Variants in SOX13 observed in about 807,000 individuals in gnomAD.
The protein encoded by SOX13 is transcription factor SOX-13.
A neutral mutation model predicts 71.8 loss-of-function variants in SOX13; 28 were observed. That is an observed-to-expected ratio of 0.39 (90% CI 0.29 to 0.53). The LOEUF (loss-of-function observed/expected upper bound fraction) is 0.53, where lower values mean the gene tolerates loss of function less well. Among genes scored for constraint, SOX13 ranks in the 20% least tolerant of loss-of-function variants. The pLI, the probability that SOX13 is intolerant of heterozygous loss-of-function variation, is 0.70. For missense variants in SOX13, 627 were observed against 810.3 expected (o/e 0.77, Z 2.75); for synonymous variants, 309 against 317.8 (o/e 0.97, Z 0.29).
At chr1:204,076,881 G>T (rs547388588) in intron 1 of SOX13, among the ~76,000 whole-genome samples, 1 of 152,350 alleles carries the variant, frequency 6.6e-6, no homozygotes, top group Admixed American at 6.5e-5. Flanking sequence ...GATAACAGGG[G>T]AGAACAAGAC....
chr1:204,084,680 T>C (rs1655980953), intron 1 of SOX13, among the ~76,000 whole-genome samples: 1 of 152,116 alleles, frequency 6.6e-6, no homozygotes, highest in Non-Finnish European at 1.5e-5. Flanking sequence ...TCCTCCTCCC[T>C]GGCCTCAGGG....
In SOX13 at chr1:204,081,224, C is replaced by CT. The variant is rs572186117; in HGVS notation, c.-2+7521dup. On this transcript the variant is annotated intron_variant, in intron 1 of 13. Coordinates refer to ENST00000367204, the MANE Select transcript of SOX13 (RefSeq NM_005686.3). The surrounding 1 kb of genome is among the most constrained non-coding windows in gnomAD (Gnocchi z 4.3). ...CACCACTCCCAGCCATGACTTCTTT[C>CT]TTTTTTTTAAAGATCGTGGCTCATA... Among the ~76,000 whole-genome samples, 2 of 151,918 alleles carry CT rather than the reference C, an allele frequency of 1.3e-5. No homozygotes were observed. The highest frequency in any genetic ancestry group is 6.6e-5 in the Admixed American group (1 of 15,226).
In SOX13 at chr1:204,117,683, A is replaced by T. The variant is rs1656722855; in HGVS notation, c.751A>T (p.Ile251Phe). The change falls in exon 7 of 14, where the codon ATT becomes TTT. Residue 251 changes from isoleucine (I) to phenylalanine (F), a missense_variant. Ile to Phe is a conservative substitution (Grantham distance 21). Transcript: ENST00000367204. ...VTPDSQLALPIQPIPCKPVEY... is the reference protein window; with the variant it reads ...VTPDSQLALPFQPIPCKPVEY... ...CCCTGACTCCCAGCTGGCCTTACCC[A>T]TTCAGCCCATTCCCTGCAAACCAGG... is the stretch of plus-strand genomic sequence containing the variant. The T allele has an allele frequency of 5.6e-6, 9 of 1,612,940 alleles. No individual in the cohort carries two copies. Among genetic ancestry groups the T allele is most frequent in the Non-Finnish European group, 5.9e-6 (7 of 1,179,398 alleles).
intron 1 of SOX13, among the ~76,000 whole-genome samples, chr1:204,110,438 T>G (rs1656557708): frequency 6.6e-6 from 1 of 151,710 alleles, no homozygotes; most frequent in South Asian, 2.1e-4. Flanking sequence ...AGTGTTGAGA[T>G]TACAGGCATG....
At chr1:204,122,774 T>C in intron 9 of SOX13, 80 bp from the exon 10 acceptor site, 1 of 837,984 alleles carries the variant, frequency 1.2e-6, no homozygotes. Context: ...GGCGGGAAGC[T>C]GATGGAGTTT....
chr1:204,122,061 G>C, intron 8 of SOX13, 76 bp downstream of exon 8: 1 of 1,159,836 alleles, frequency 8.6e-7, no homozygotes, highest in Non-Finnish European at 1.3e-6. Flanking sequence ...GGGAACTGCG[G>C]GGTGTGGACT....
At position 204,123,041 on chromosome 1, in the gene SOX13, C is replaced by A; in HGVS notation, c.1135-71C>A. On this transcript the variant is annotated intron_variant, in intron 10 of 13. Coordinates refer to ENST00000367204, the MANE Select transcript of SOX13 (RefSeq NM_005686.3). This position sits in a 1 kb window ranked among gnomAD's most constrained non-coding sequence, Gnocchi z 5.0. ...AGTGGAAGACACAGTCTGAGGCCAC[C>A]AAGAGAGGAGCATGGGGAGGAGTGG... 1.3e-6 allele frequency: 2 copies of A among 1,519,526 alleles called. No homozygotes were observed. The highest frequency in any genetic ancestry group is 1.8e-6 in the Non-Finnish European group (2 of 1,097,498). 94.1% of individuals were successfully genotyped at this position (1,519,526 alleles called of 1,614,324 possible). A position where few individuals can be genotyped will look rare whatever the true frequency, so the allele number is the denominator to read the frequency against.
At chr1:204,096,281 C>G (rs1656251470) in intron 1 of SOX13, among the ~76,000 whole-genome samples, 1 of 127,326 alleles carries the variant, frequency 7.9e-6, no homozygotes, top group South Asian at 2.7e-4. Context: ...ACTCTGTCTC[C>G]CAGGCTGGAG....
At chr1:204,106,732 T>C (rs1403652376) in intron 1 of SOX13, among the ~76,000 whole-genome samples, 2 of 152,124 alleles carry the variant, frequency 1.3e-5, no homozygotes, top group Non-Finnish European at 2.9e-5. Flanking sequence ...CTCAAACTCC[T>C]GACCTCAGGC....
intron 1 of SOX13, among the ~76,000 whole-genome samples, chr1:204,097,719 G>GA (rs998895413): frequency 2.3e-4 from 33 of 144,026 alleles, no homozygotes; most frequent in African/African-American, 6.4e-4. Context: ...GAAAAGAAAA[G>GA]AAAAAAAAAC....
intron 13 of SOX13, among the ~76,000 whole-genome samples, chr1:204,125,106 C>A (rs74610932): frequency 6.6e-6 from 1 of 152,084 alleles, no homozygotes; most frequent in Non-Finnish European, 1.5e-5. Context: ...GGACTGGCCA[C>A]GTGGACCTGG....
intron 1 of SOX13, among the ~76,000 whole-genome samples, chr1:204,098,798 C>G (rs1031552022): frequency 3.9e-5 from 6 of 152,142 alleles, no homozygotes; most frequent in Non-Finnish European, 8.8e-5. Context: ...TCATGAGAAG[C>G]CTCATTCATG....
At chr1:204,122,773 C>T in intron 9 of SOX13, 81 bp from the exon 10 acceptor site, 1 of 831,494 alleles carries the variant, frequency 1.2e-6, no homozygotes, top group Non-Finnish European at 1.9e-6. Context: ...TGGCGGGAAG[C>T]TGATGGAGTT....
chr1:204,102,706 C>T (rs1170239485), intron 1 of SOX13, among the ~76,000 whole-genome samples: 4 of 151,030 alleles, frequency 2.6e-5, no homozygotes, highest in Admixed American at 6.6e-5. Context: ...AAGGGGGTGG[C>T]GGTGGGTCAG....
At chr1:204,103,446 GA>G (rs1454211580) in intron 1 of SOX13, among the ~76,000 whole-genome samples, 1 of 152,228 alleles carries the variant, frequency 6.6e-6, no homozygotes, top group African/African-American at 2.4e-5. Context: ...CCCTCAGTAG[GA>G]CGTTCTAGCC....
At chr1:204,103,834 G>T (rs749221121) in intron 1 of SOX13, among the ~76,000 whole-genome samples, 4 of 152,160 alleles carry the variant, frequency 2.6e-5, no homozygotes, top group African/African-American at 9.7e-5. Context: ...AGGCAGGAAG[G>T]CCTCCAGAGA....
Position 204,114,376 on chromosome 1 carries a change from C to A in SOX13, c.275C>A (p.Ser92Ter). 6.2e-7 allele frequency: 1 copy of A among 1,612,024 alleles called. No homozygotes were observed. The highest frequency in any genetic ancestry group is 1.1e-5 in the South Asian group (1 of 90,548). ...CCAGAACCCAAGAGACCAGGAGTGT[C>A]GGAGGCTGCCTCTGGAAGCCAGGAG... ...GSPEPKRPGVSEAASGSQEKL... is the reference protein window; with the variant it reads ...GSPEPKRPGV The change falls in exon 3 of 14, where the codon TCG becomes TAG. Residue 92 changes from serine to a stop codon, truncating the protein, a stop_gained. Coordinates refer to ENST00000367204, the MANE Select transcript of SOX13 (RefSeq NM_005686.3). LOFTEE classifies it high-confidence loss of function.
At chr1:204,084,307 C>T (rs757579515) in intron 1 of SOX13, among the ~76,000 whole-genome samples, 27 of 152,038 alleles carry the variant, frequency 1.8e-4, no homozygotes, top group Non-Finnish European at 2.8e-4. Context: ...GATTGAAACC[C>T]CAAGCCTCTC....
At chr1:204,085,264 A>T (rs1235204009) in intron 1 of SOX13, among the ~76,000 whole-genome samples, 3 of 152,212 alleles carry the variant, frequency 2.0e-5, no homozygotes, top group Non-Finnish European at 4.4e-5. Flanking sequence ...ATCTTGGGTA[A>T]GTAATCTAGC....
Sources: allele counts gnomAD v4.1 joint callset (sites outside exome capture counted in the v4.1 genomes callset), GRCh38; gene constraint gnomAD v4.1.1; non-coding constraint Gnocchi (gnomAD v3.1); transcripts MANE v1.5; gene names NCBI Gene and HGNC (gene_info 2026-07-23, HGNC 2026-07-21).